Variants in DOCK7 observed in about 807,000 individuals in gnomAD.
DOCK7 encodes the protein dedicator of cytokinesis protein 7.
In DOCK7, 138 loss-of-function variants were observed where a neutral mutation model predicts 271.0. The ratio of observed to expected loss-of-function variants is 0.51; its 90% CI spans 0.44 to 0.59. The LOEUF (loss-of-function observed/expected upper bound fraction) is 0.59. Ranked by LOEUF, DOCK7 falls within the 20% of genes least tolerant of loss-of-function variation. The pLI, the probability that DOCK7 is intolerant of heterozygous loss-of-function variation, is 0.00. For synonymous variants in DOCK7, 823 were observed against 876.1 expected (o/e 0.94, Z 1.07); for missense variants, 2,066 against 2,592.4 (o/e 0.80, Z 4.41).
At chr1:62,581,686 T>A (rs1210579362) in intron 16 of DOCK7, among the ~76,000 whole-genome samples, 2 of 151,940 alleles carry the variant, frequency 1.3e-5, no homozygotes, top group Non-Finnish European at 2.9e-5. Flanking sequence ...GAATGAGGGT[T>A]AAGGGCAAAA....
In DOCK7 at chr1:62,538,076, A is replaced by T; in HGVS notation, c.3301-15T>A. ...TTTGAAGACACCTTGTAAGCAATGC[A>T]TAAGTAAGAGAACACCAATTGAATC... On this transcript the variant is annotated splice_polypyrimidine_tract_variant and intron_variant, in intron 27 of 49. Coordinates refer to ENST00000635253, the MANE Select transcript of DOCK7 (RefSeq NM_001367561.1). 2.5e-6 allele frequency: 4 copies of T among 1,607,908 alleles called. No individual in the cohort carries two copies. Among genetic ancestry groups the T allele is most frequent in the Non-Finnish European group, 3.4e-6 (4 of 1,176,576 alleles).
At position 62,455,285 on chromosome 1, in the gene DOCK7, T is replaced by C. The variant is rs1030606241; in HGVS notation, c.*129A>G. 3.2e-6 allele frequency: 3 copies of C among 938,006 alleles called. No individual in the cohort carries two copies. The highest frequency in any genetic ancestry group is 3.4e-6 in the Non-Finnish European group (2 of 592,482). The allele number at this position is 938,006 out of a possible 1,614,324, so 58.1% of individuals were successfully genotyped here. ...TTAACAATCTACATTTGATATTTTC[T>C]TGGCCACTGCATTCTTCAATGAATA... On this transcript the variant is annotated 3_prime_UTR_variant, in exon 50 of 50. Coordinates refer to ENST00000635253, the MANE Select transcript of DOCK7 (RefSeq NM_001367561.1).
At chr1:62,510,917 G>A (rs1284665796) in intron 33 of DOCK7, 1 of 386,584 alleles carries the variant, frequency 2.6e-6, no homozygotes, top group African/African-American at 2.1e-5. Context: ...ATAAGCAAAT[G>A]TTCTAACATT....
chr1:62,543,622 T>C (rs772206590), intron 24 of DOCK7, 34 bp downstream of exon 24: 8 of 1,477,430 alleles, frequency 5.4e-6, no homozygotes, highest in Non-Finnish European at 7.5e-6. Context: ...GAAATTATTT[T>C]CCCCCTCTAT....
chr1:62,647,246 A>C (rs1210177488), intron 7 of DOCK7, among the ~76,000 whole-genome samples: 1 of 152,206 alleles, frequency 6.6e-6, no homozygotes, highest in Non-Finnish European at 1.5e-5. Flanking sequence ...GTTAGCAGAA[A>C]TCAGATCTAA....
rs1645307252 is a variant in DOCK7 at position 62,454,971 on chromosome 1, A to G, written c.*443T>C. ...GTCAACCCTTTAATTGTTCTCTGCC[A>G]TTGTCAATAATAAAAATTTTGAAGT... is the stretch of plus-strand genomic sequence containing the variant. On this transcript the variant is annotated 3_prime_UTR_variant, in exon 50 of 50. Transcript: ENST00000635253. 5.5e-6 allele frequency: 2 copies of G among 362,096 alleles called. No homozygotes were observed. The highest frequency in any genetic ancestry group is 4.0e-5 in the East Asian group (1 of 24,966). The allele number at this position is 362,096 out of a possible 1,614,324, so 22.4% of individuals were successfully genotyped here. A position where few individuals can be genotyped will look rare whatever the true frequency, so the allele number is the denominator to read the frequency against.
chr1:62,495,298 A>C (rs1009039875), intron 39 of DOCK7: 1 of 196,390 alleles, frequency 5.1e-6, no homozygotes, highest in African/African-American at 2.3e-5. Flanking sequence ...TACCATTAGA[A>C]AAATCACTCA....
At chr1:62,488,741 T>C in intron 42 of DOCK7, 193 bp downstream of exon 42, 1 of 709,992 alleles carries the variant, frequency 1.4e-6, no homozygotes, top group Non-Finnish European at 2.5e-6. Flanking sequence ...ATGATCACCA[T>C]TTACTTTAGG....
intron 1 of DOCK7, among the ~76,000 whole-genome samples, chr1:62,684,422 C>T (rs1035653820): frequency 1.3e-5 from 2 of 152,144 alleles, no homozygotes; most frequent in South Asian, 2.1e-4. Context: ...TGTATTAGCT[C>T]ACTTACACAT....
chr1:62,544,951 G>A lies in DOCK7; in HGVS notation c.2855C>T (p.Thr952Ile), dbSNP rs1310945287. ...GSNPSPSAES[T>I]QAMDRSCNRM... is the part of the protein sequence containing the mutation. ...AACCTCTAATATAAACACCACCTGT[G>A]TTGATTCTGCACTTGGACTGGGGTT... Residue 952 changes from threonine (T) to isoleucine (I), a missense_variant, in exon 23 of 50, where the codon ACA (threonine) becomes ATA (isoleucine). By Grantham distance (89) the Thr-to-Ile change is moderately conservative (BLOSUM62 -1). Coordinates refer to ENST00000635253, the MANE Select transcript of DOCK7 (RefSeq NM_001367561.1). 3.2e-6 allele frequency: 5 copies of A among 1,549,112 alleles called. No individual in the cohort carries two copies. In the African/African-American group the frequency reaches 6.9e-5, roughly 21 times the overall value.
intron 1 of DOCK7, among the ~76,000 whole-genome samples, chr1:62,678,316 A>G (rs1308844254): frequency 6.6e-6 from 1 of 152,214 alleles, no homozygotes; most frequent in Non-Finnish European, 1.5e-5. Context: ...AATGATTTCC[A>G]GATCATATGG....
At chr1:62,485,846 A>C (rs1646276325) in intron 43 of DOCK7, 1 of 280,708 alleles carries the variant, frequency 3.6e-6, no homozygotes, top group Non-Finnish European at 5.4e-6. Context: ...AACGTGCAAC[A>C]AATTTAGCAG....
At chr1:62,565,278 T>A (rs546328090) in intron 18 of DOCK7, among the ~76,000 whole-genome samples, 6 of 151,890 alleles carry the variant, frequency 4.0e-5, no homozygotes, top group African/African-American at 1.5e-4. Context: ...GAAAAGAAAA[T>A]ATCCCTGATC....
At chr1:62,602,732 C>T (rs1399517170) in intron 14 of DOCK7, among the ~76,000 whole-genome samples, 3 of 151,474 alleles carry the variant, frequency 2.0e-5, no homozygotes, top group Admixed American at 6.6e-5. Context: ...CCACTCCTAG[C>T]ATTAGTCACT....
At chr1:62,459,945 C>G (rs1341255272) in intron 48 of DOCK7, among the ~76,000 whole-genome samples, 1 of 151,532 alleles carries the variant, frequency 6.6e-6, no homozygotes. Flanking sequence ...AGAAAAAATA[C>G]AAAAAATTAG....
chr1:62,680,111 G>A (rs1250912704), intron 1 of DOCK7, among the ~76,000 whole-genome samples: 1 of 152,118 alleles, frequency 6.6e-6, no homozygotes, highest in Non-Finnish European at 1.5e-5. Flanking sequence ...CAAAGCTGGA[G>A]GCATCATGCT....
intron 14 of DOCK7, among the ~76,000 whole-genome samples, chr1:62,615,180 C>G (rs1346056433): frequency 6.6e-6 from 1 of 151,782 alleles, no homozygotes; most frequent in Non-Finnish European, 1.5e-5. Context: ...ACTTTATAAT[C>G]ATATTTTGTT....
rs572060024 is a variant in DOCK7, at chr1:62,609,785, A to T, written c.1682+8921T>A. ...CTTCAGATGCAAGCCCCTAACTAAA[A>T]ACTTCTGGGTGGCTATGTTAAAATG... On this transcript the variant is annotated intron_variant, in intron 14 of 49. Coordinates refer to ENST00000635253, the MANE Select transcript of DOCK7 (RefSeq NM_001367561.1). Among the ~76,000 whole-genome samples the T allele has an allele frequency of 8.5e-5, 13 of 152,108 alleles. No individual in the cohort carries two copies. In the South Asian group the frequency reaches 2.7e-3, roughly 32 times the overall value.
intron 29 of DOCK7, among the ~76,000 whole-genome samples, chr1:62,532,950 C>T (rs1167278530): frequency 6.6e-6 from 1 of 152,166 alleles, no homozygotes; most frequent in Non-Finnish European, 1.5e-5. Context: ...GCAAGACTAT[C>T]TTGCAGTCAT....
Sources: allele counts gnomAD v4.1 joint callset (sites outside exome capture counted in the v4.1 genomes callset), GRCh38; gene constraint gnomAD v4.1.1; transcripts MANE v1.5; gene names NCBI Gene and HGNC (gene_info 2026-07-23, HGNC 2026-07-21).